Variants in EYS observed in about 807,000 individuals in gnomAD.
EYS encodes EGF-like photoreceptor maintenance factor.
A neutral mutation model predicts 282.1 loss-of-function variants in EYS; 250 were observed. The observed-to-expected ratio is 0.89, with a 90% CI of 0.80 to 0.98. EYS has a LOEUF of 0.98. Ranked by LOEUF, EYS falls within the 50% of genes least tolerant of loss-of-function variation. The pLI is 0.00. For missense variants in EYS, 4,016 were observed against 3,709.0 expected, an observed-to-expected ratio of 1.08 and a Z score of -2.15; for synonymous variants, 1,355 against 1,282.9, an observed-to-expected ratio of 1.06 and a Z score of -1.20.
At chr6:64,542,729 A>T (rs537472029) in intron 26 of EYS, among the ~76,000 whole-genome samples, 2 of 152,242 alleles carry the variant, frequency 1.3e-5, no homozygotes, top group South Asian at 4.1e-4. Flanking sequence ...ATTCAAGCAC[A>T]TCAGACACCT....
chr6:63,742,231 GT>G (rs974849129), intron 41 of EYS, among the ~76,000 whole-genome samples: 6 of 151,090 alleles, frequency 4.0e-5, no homozygotes, highest in Non-Finnish European at 5.9e-5. Flanking sequence ...TCTGGTCAAG[GT>G]TTTTTTTTAA....
intron 30 of EYS, among the ~76,000 whole-genome samples, chr6:64,243,236 TATC>T (rs1766895844): frequency 6.6e-6 from 1 of 152,062 alleles, no homozygotes; most frequent in Non-Finnish European, 1.5e-5. Context: ...TACAAATACA[TATC>T]ATACCCAGAT....
intron 29 of EYS, among the ~76,000 whole-genome samples, chr6:64,310,978 T>G (rs1769675085): frequency 6.6e-6 from 1 of 152,098 alleles, no homozygotes. Context: ...TTTCAAAGGT[T>G]CTTGTTTTTA....
At chr6:65,366,047 C>A (rs1316402950) in intron 8 of EYS, among the ~76,000 whole-genome samples, 1 of 151,676 alleles carries the variant, frequency 6.6e-6, no homozygotes, top group Admixed American at 6.7e-5. Context: ...TTTGTGTAAA[C>A]CAGACCTAGT....
intron 33 of EYS, among the ~76,000 whole-genome samples, chr6:64,042,516 G>A (rs889063375): frequency 9.2e-5 from 14 of 152,070 alleles, no homozygotes; most frequent in African/African-American, 3.4e-4. Context: ...CACTGTGTTC[G>A]GAAGACTGCG....
chr6:65,297,694 G>T (rs922612635), intron 11 of EYS, among the ~76,000 whole-genome samples: 3 of 151,892 alleles, frequency 2.0e-5, no homozygotes, highest in African/African-American at 7.2e-5. Flanking sequence ...GCAAGTAACT[G>T]TTACCTACTA....
At chr6:64,879,404 C>T (rs1766846116) in intron 19 of EYS, among the ~76,000 whole-genome samples, 1 of 151,526 alleles carries the variant, frequency 6.6e-6, no homozygotes, top group South Asian at 2.1e-4. Context: ...AGGGATATCT[C>T]TAAATAAATA....
intron 35 of EYS, among the ~76,000 whole-genome samples, chr6:63,912,479 T>C (rs927521012): frequency 1.3e-5 from 2 of 152,216 alleles, no homozygotes; most frequent in Non-Finnish European, 2.9e-5. Flanking sequence ...CTGTTAATGA[T>C]ATATTTTACT....
chr6:64,096,062 G>A (rs1320993894), intron 31 of EYS, among the ~76,000 whole-genome samples: 1 of 152,164 alleles, frequency 6.6e-6, no homozygotes, highest in African/African-American at 2.4e-5. Context: ...TTTTCTTTAA[G>A]AATGTTGAAT....
chr6:65,255,343 G>A (rs1767432165), intron 12 of EYS, among the ~76,000 whole-genome samples: 1 of 151,866 alleles, frequency 6.6e-6, no homozygotes, highest in Non-Finnish European at 1.5e-5. Flanking sequence ...AATGAAACTA[G>A]ATCCCCATCT....
intron 33 of EYS, among the ~76,000 whole-genome samples, chr6:64,027,837 G>T (rs570300369): frequency 8.5e-5 from 13 of 152,286 alleles, no homozygotes; most frequent in African/African-American, 2.4e-4. Context: ...GCAAGCGCCA[G>T]CTCATGTCAT....
At chr6:65,017,228 G>C (rs1772084556) in intron 13 of EYS, among the ~76,000 whole-genome samples, 1 of 152,068 alleles carries the variant, frequency 6.6e-6, no homozygotes, top group African/African-American at 2.4e-5. Context: ...AAATCTTATA[G>C]ATGCATTTTA....
chr6:64,241,808 C>T (rs1018202147), intron 30 of EYS, among the ~76,000 whole-genome samples: 4 of 152,062 alleles, frequency 2.6e-5, no homozygotes, highest in Non-Finnish European at 5.9e-5. Flanking sequence ...TTAGATCTTT[C>T]CTGCTTTCTC....
intron 12 of EYS, among the ~76,000 whole-genome samples, chr6:65,135,745 T>C (rs1436740828): frequency 1.3e-5 from 2 of 152,044 alleles, no homozygotes; most frequent in Non-Finnish European, 2.9e-5. Flanking sequence ...TCGTTTGATA[T>C]GGTTCATCTG....
At chr6:65,481,251 CA>C (rs1168832217) in intron 5 of EYS, among the ~76,000 whole-genome samples, 2 of 150,988 alleles carry the variant, frequency 1.3e-5, no homozygotes, top group African/African-American at 2.4e-5. Flanking sequence ...AAGTGTCAAC[CA>C]AAAAAAGCAA....
intron 2 of EYS, among the ~76,000 whole-genome samples, chr6:65,615,784 A>G (rs1766173137): frequency 6.6e-6 from 1 of 152,008 alleles, no homozygotes. Context: ...AATACAAAAA[A>G]TTAGCCGGTC....
At chr6:65,130,454 C>T (rs1275255044) in intron 12 of EYS, among the ~76,000 whole-genome samples, 1 of 151,782 alleles carries the variant, frequency 6.6e-6, no homozygotes, top group African/African-American at 2.4e-5. Context: ...AAGAAAATCA[C>T]AACAGGGAAT....
intron 22 of EYS, among the ~76,000 whole-genome samples, chr6:64,649,670 T>G (rs530337059): frequency 6.6e-6 from 1 of 152,294 alleles, no homozygotes; most frequent in East Asian, 1.9e-4. Flanking sequence ...TCATAATTGC[T>G]TCTCATTTTT....
At chr6:65,140,560 C>G (rs1259928849) in intron 12 of EYS, among the ~76,000 whole-genome samples, 1 of 151,276 alleles carries the variant, frequency 6.6e-6, no homozygotes, top group Admixed American at 6.6e-5. Flanking sequence ...AGGCAACCTA[C>G]AAAATGGGAG....
Sources: gnomAD v4.1 joint callset for allele counts (sites outside exome capture counted in the v4.1 genomes callset) on GRCh38, gnomAD v4.1.1 for gene constraint, MANE v1.5 for transcripts, NCBI Gene and HGNC (gene_info 2026-07-23, HGNC 2026-07-21) for gene names.